COL4A1: variants seen among roughly 807,000 people sequenced by gnomAD.
COL4A1 encodes the protein collagen alpha-1(IV) chain.
COL4A1 carries 40 observed loss-of-function variants against 216.6 expected under a neutral mutation model. That is an observed-to-expected ratio of 0.18 (90% confidence interval 0.14 to 0.24). The LOEUF is 0.24. Among genes scored for constraint, COL4A1 ranks in the 10% least tolerant of loss-of-function variants. The pLI, the probability that COL4A1 is intolerant of heterozygous loss-of-function variation, is 1.00. For missense variants in COL4A1, 1,628 were observed against 2,196.8 expected (o/e 0.74, Z 5.18); for synonymous variants, 839 against 810.7 (o/e 1.03, Z -0.59).
chr13:110,152,471 G>A lies in COL4A1; in HGVS notation c.4791C>T (p.Ala1597=), dbSNP rs781449099. The change falls in exon 51 of 52, where the codon GCC becomes GCT. Residue 1597 remains alanine (A), a synonymous_variant. Transcript: ENST00000375820. ...TSAGAEGSGQ[A]LASPGSCLEE... is the part of the protein sequence containing the mutation. ...CCAGGCAGGAGCCGGGGGACGCCAGGGCTTGGCCAGAGCCTTCTGCACCAG... is the reference window on the plus strand; with the variant it reads ...CCAGGCAGGAGCCGGGGGACGCCAGAGCTTGGCCAGAGCCTTCTGCACCAG... The A allele has an allele frequency of 6.2e-7, 1 of 1,613,674 alleles. No individual in the cohort carries two copies. Among genetic ancestry groups the A allele is most frequent in the Non-Finnish European group, 8.5e-7 (1 of 1,179,990 alleles).
intron 41 of COL4A1, among the ~76,000 whole-genome samples, chr13:110,171,123 A>G (rs1355238319): frequency 3.3e-5 from 5 of 152,270 alleles, no homozygotes; most frequent in African/African-American, 4.8e-5. Flanking sequence ...ATATCCATGC[A>G]GTGGGACACT....
intron 1 of COL4A1, among the ~76,000 whole-genome samples, chr13:110,260,928 T>C (rs1232567032): frequency 2.0e-5 from 3 of 151,560 alleles, no homozygotes; most frequent in Non-Finnish European, 4.4e-5. Flanking sequence ...TCCCAGCTAC[T>C]CGGGAGGCTG....
At position 110,295,554 on chromosome 13, in the gene COL4A1, T is replaced by C. The variant is rs1360840511; in HGVS notation, c.84+11390A>G. On this transcript the variant is annotated intron_variant, in intron 1 of 51. Transcript: ENST00000375820. ...GATTCTCCTGCCTCAGCCTCCCAAGTAGCTGGGATTACAGGCGCCCGCCAC... is the reference window on the plus strand; with the variant it reads ...GATTCTCCTGCCTCAGCCTCCCAAGCAGCTGGGATTACAGGCGCCCGCCAC... Among the ~76,000 whole-genome samples the C allele has an allele frequency of 4.6e-5, 7 of 151,136 alleles. No homozygotes were observed. In the Admixed American group the frequency reaches 4.6e-4, roughly 10 times the overall value.
chr13:110,217,417 G>A (rs1880143661), intron 2 of COL4A1, among the ~76,000 whole-genome samples: 1 of 152,196 alleles, frequency 6.6e-6, no homozygotes, highest in Non-Finnish European at 1.5e-5. Context: ...GGCAGAATGT[G>A]CACAGTTAGA....
At chr13:110,288,942 G>A (rs1383855916) in intron 1 of COL4A1, among the ~76,000 whole-genome samples, 1 of 152,240 alleles carries the variant, frequency 6.6e-6, no homozygotes. Flanking sequence ...GGAGGCAGGA[G>A]AATTGCTTGA....
At chr13:110,235,519 C>T (rs138070714) in intron 2 of COL4A1, among the ~76,000 whole-genome samples, 4,184 of 151,864 alleles carry the variant, frequency 0.028, 81 homozygotes, top group South Asian at 0.047. Context: ...GGCATGGTGG[C>T]GGGTGCCTGT....
At chr13:110,220,351 G>A (rs904498040) in intron 2 of COL4A1, among the ~76,000 whole-genome samples, 2 of 152,134 alleles carry the variant, frequency 1.3e-5, no homozygotes, top group Non-Finnish European at 2.9e-5. Context: ...ACTGGCCTAC[G>A]TTAGGCAAAA....
Position 110,179,431 on chromosome 13 carries a change from C to G in COL4A1, c.2194-10G>C, listed in dbSNP as rs1306910069. 4 of 1,613,880 alleles carry G rather than the reference C, an allele frequency of 2.5e-6. No individual in the cohort carries two copies. ...CAACTCCAGGCTCTCCCTGAAAATC[C>G]CCAAAGCACAGAGAAGCAAATTGAT... On this transcript the variant is annotated splice_polypyrimidine_tract_variant and intron_variant, in intron 29 of 51. Coordinates refer to ENST00000375820, the MANE Select transcript of COL4A1 (RefSeq NM_001845.6).
chr13:110,298,322 T>A (rs966700964), intron 1 of COL4A1, among the ~76,000 whole-genome samples: 2 of 152,224 alleles, frequency 1.3e-5, no homozygotes, highest in Non-Finnish European at 2.9e-5. Context: ...ATGAAAAACA[T>A]GTTTGTTAAA....
At chr13:110,239,244 G>C (rs926626858) in intron 2 of COL4A1, among the ~76,000 whole-genome samples, 1 of 152,192 alleles carries the variant, frequency 6.6e-6, no homozygotes, top group African/African-American at 2.4e-5. Context: ...AGTATCTACA[G>C]AATATAAGAC....
rs572837973 is a variant in COL4A1, at chr13:110,214,103, A to ATAT, written c.145-89_145-88insATA. On this transcript the variant is annotated intron_variant, in intron 2 of 51. Coordinates refer to ENST00000375820, the MANE Select transcript of COL4A1 (RefSeq NM_001845.6). ...GACCAACTGTGATGGCTATATATAT[A>ATAT]TTTTTTTTGAGATGGAGTCTCATTC... 558 of 1,070,470 alleles carry ATAT rather than the reference A, an allele frequency of 5.2e-4. 2 individuals are homozygous for ATAT. In the African/African-American group the frequency reaches 7.5e-3, roughly 14 times the overall value. The allele number at this position is 1,070,470 out of a possible 1,614,324, so 66.3% of individuals were successfully genotyped here.
At chr13:110,167,325 A>G in intron 43 of COL4A1, 95 bp from the exon 44 acceptor site, 2 of 927,848 alleles carry the variant, frequency 2.2e-6, no homozygotes, top group South Asian at 1.3e-5. Context: ...CAGCCCCTCA[A>G]TGTTCTGGAA....
intron 1 of COL4A1, among the ~76,000 whole-genome samples, chr13:110,293,153 G>C (rs558538765): frequency 3.6e-4 from 55 of 152,284 alleles, no homozygotes; most frequent in African/African-American, 6.5e-4. Context: ...ACCGTTGGGG[G>C]CTGGAGGTTT....
chr13:110,201,544 G>T (rs567077573), intron 18 of COL4A1, 22 bp from the exon 19 acceptor site: 1 of 1,604,282 alleles, frequency 6.2e-7, no homozygotes, highest in East Asian at 2.2e-5. Context: ...AGGAAAAGGT[G>T]ATCATCCCGT....
At chr13:110,183,125 G>A (rs763855269) in intron 27 of COL4A1, 28 bp from the exon 28 acceptor site, 12 of 1,611,898 alleles carry the variant, frequency 7.4e-6, no homozygotes, top group Admixed American at 5.0e-5. Context: ...AACAGTCAGC[G>A]TGAGAAAAAC....
intron 29 of COL4A1, 128 bp downstream of exon 29, chr13:110,181,164 G>A: frequency 1.3e-6 from 1 of 793,066 alleles, no homozygotes; most frequent in Non-Finnish European, 2.2e-6. Flanking sequence ...TCTATTCTAT[G>A]TTATTTCATC....
Position 110,161,387 on chromosome 13 carries a change from C to G in COL4A1, c.4463-18G>C. On this transcript the variant is annotated intron_variant, in intron 48 of 51. Transcript: ENST00000375820. ...GGCCGTGCCTAGACAAGGAAGAAGA[C>G]AATGTGAGATGTTTCCTTTATAATT... 6.3e-7 allele frequency: 1 copy of G among 1,595,770 alleles called. No individual in the cohort carries two copies. Among genetic ancestry groups the G allele is most frequent in the Non-Finnish European group, 8.5e-7 (1 of 1,170,164 alleles).
At chr13:110,228,384 T>G (rs1880848836) in intron 2 of COL4A1, among the ~76,000 whole-genome samples, 1 of 152,202 alleles carries the variant, frequency 6.6e-6, no homozygotes, top group South Asian at 2.1e-4. Flanking sequence ...AGGCAAGTTT[T>G]TAATGACTAC....
intron 1 of COL4A1, chr13:110,265,973 T>A (rs1367489285): frequency 6.6e-6 from 1 of 152,056 alleles, no homozygotes; most frequent in Non-Finnish European, 1.5e-5. Flanking sequence ...GGCTCCCAGC[T>A]CAACCGTCTG....
Sources: allele counts gnomAD v4.1 joint callset (sites outside exome capture counted in the v4.1 genomes callset), GRCh38; gene constraint gnomAD v4.1.1; transcripts MANE v1.5; gene names NCBI Gene and HGNC (gene_info 2026-07-23, HGNC 2026-07-21).